LRPPRC: variants seen among roughly 807,000 people sequenced by gnomAD.
The protein encoded by LRPPRC is leucine-rich PPR motif-containing protein, mitochondrial.
LRPPRC carries 120 observed loss-of-function variants against 180.3 expected under a neutral mutation model. The ratio of observed to expected loss-of-function variants is 0.67; its 90% CI spans 0.57 to 0.77. LRPPRC has a LOEUF of 0.77. Among genes scored for constraint, LRPPRC ranks in the 30% least tolerant of loss-of-function variants. The pLI, the probability that LRPPRC is intolerant of heterozygous loss-of-function variation, is 0.00. For missense variants in LRPPRC, 2,012 were observed against 1,657.2 expected (o/e 1.21, Z -3.72); for synonymous variants, 723 against 600.0 (o/e 1.21, Z -3.00).
chr2:43,890,477 G>A (rs1670449076), intron 36 of LRPPRC: 2 of 344,652 alleles, frequency 5.8e-6, no homozygotes, highest in Non-Finnish European at 1.2e-5. Flanking sequence ...ACTTTGGGAG[G>A]CCGAGGTAGG....
chr2:43,890,226 T>G (rs1670438159), intron 36 of LRPPRC: 7 of 412,708 alleles, frequency 1.7e-5, no homozygotes, highest in South Asian at 1.4e-4. Context: ...TACACACCAT[T>G]CAATCCCCTT....
At position 43,901,239 on chromosome 2, in the gene LRPPRC, A is replaced by AAAAAGTTTTTAAAAGGTG. The variant is rs1572896111; in HGVS notation, c.3569+63_3569+80dup. 3 of 1,046,688 alleles carry AAAAAGTTTTTAAAAGGTG rather than the reference A, an allele frequency of 2.9e-6. No individual in the cohort carries two copies. In the East Asian group the frequency reaches 7.1e-5, roughly 25 times the overall value. 64.8% of individuals were successfully genotyped at this position (1,046,688 alleles called of 1,614,324 possible). A position where few individuals can be genotyped will look rare whatever the true frequency, so the allele number is the denominator to read the frequency against. ...AGTTGATAAGGTTTCCACATGTCTA[A>AAAAAGTTTTTAAAAGGTG]AAAAGTTTTTAAAAGGTGGTATCTG... On this transcript the variant is annotated intron_variant, in intron 32 of 37. Coordinates refer to ENST00000260665, the MANE Select transcript of LRPPRC (RefSeq NM_133259.4).
chr2:43,925,997 A>T (rs1319604331), intron 25 of LRPPRC, 36 bp from the exon 26 acceptor site: 1 of 1,211,796 alleles, frequency 8.3e-7, no homozygotes, highest in Non-Finnish European at 1.2e-6. Context: ...ACCCAAGGTA[A>T]GGCTTCGGCT....
rs1453828907 is a variant in LRPPRC, at chr2:43,989,671, A to G, written c.149+6128T>C. 2.6e-5 allele frequency among the ~76,000 whole-genome samples: 4 copies of G among 152,350 alleles called. No individual in the cohort carries two copies. In the East Asian group the frequency reaches 7.7e-4, roughly 29 times the overall value. On this transcript the variant is annotated intron_variant, in intron 1 of 37. Coordinates refer to ENST00000260665, the MANE Select transcript of LRPPRC (RefSeq NM_133259.4). ...TCTGGACCTCATTCTGCACCCAATG[A>G]TAACTACCATGGCAGTTAACTGTAA...
chr2:43,908,423 T>G (rs1671136050), intron 30 of LRPPRC, among the ~76,000 whole-genome samples: 1 of 152,208 alleles, frequency 6.6e-6, no homozygotes, highest in South Asian at 2.1e-4. Flanking sequence ...GTTAAATGAC[T>G]TTGTAAATAA....
intron 32 of LRPPRC, 126 bp from the exon 33 acceptor site, chr2:43,899,731 A>C (rs1186269233): frequency 4.5e-6 from 3 of 666,318 alleles, no homozygotes; most frequent in African/African-American, 1.8e-5. Context: ...AAATACATTT[A>C]CACTTAACCA....
At chr2:43,916,003 G>T (rs1671453997) in intron 29 of LRPPRC, among the ~76,000 whole-genome samples, 1 of 152,088 alleles carries the variant, frequency 6.6e-6, no homozygotes, top group South Asian at 2.1e-4. Flanking sequence ...GGACTCAAGT[G>T]ATCTGCCCAC....
intron 11 of LRPPRC, among the ~76,000 whole-genome samples, chr2:43,965,153 C>T (rs760152157): frequency 1.2e-4 from 19 of 152,308 alleles, no homozygotes; most frequent in Admixed American, 2.6e-4. Context: ...AGGCGCACGT[C>T]ACCACGACCA....
intron 11 of LRPPRC, among the ~76,000 whole-genome samples, chr2:43,970,112 CA>C (rs1673738201): frequency 6.6e-6 from 1 of 152,194 alleles, no homozygotes; most frequent in African/African-American, 2.4e-5. Context: ...AAATTGACTG[CA>C]GCTACAAGAT....
intron 1 of LRPPRC, among the ~76,000 whole-genome samples, chr2:43,987,823 T>A (rs996323332): frequency 1.3e-5 from 2 of 152,248 alleles, no homozygotes; most frequent in Non-Finnish European, 2.9e-5. Flanking sequence ...TTCTTCCATT[T>A]ATTAATTCAA....
intron 23 of LRPPRC, among the ~76,000 whole-genome samples, chr2:43,940,644 G>C (rs1051913812): frequency 2.6e-5 from 4 of 152,078 alleles, no homozygotes; most frequent in African/African-American, 9.7e-5. Flanking sequence ...AACAGCTTCA[G>C]TTATTTTTTA....
chr2:43,970,361 G>C (rs562774859), intron 11 of LRPPRC, among the ~76,000 whole-genome samples: 2 of 152,308 alleles, frequency 1.3e-5, no homozygotes, highest in East Asian at 1.9e-4. Flanking sequence ...CAGCCTGAGA[G>C]AGCAGACAAA....
intron 18 of LRPPRC, 146 bp from the exon 19 acceptor site, chr2:43,947,921 A>C: frequency 1.5e-6 from 1 of 663,814 alleles, no homozygotes; most frequent in South Asian, 1.8e-5. Flanking sequence ...ATACTTTATT[A>C]ATCAATGTAA....
chr2:43,916,346 A>G (rs1158313654), intron 29 of LRPPRC, among the ~76,000 whole-genome samples: 2 of 152,186 alleles, frequency 1.3e-5, no homozygotes, highest in African/African-American at 2.4e-5. Flanking sequence ...ATAAAATTCA[A>G]CTTACAAGCT....
At chr2:43,965,158 C>G (rs1237735971) in intron 11 of LRPPRC, among the ~76,000 whole-genome samples, 3 of 152,148 alleles carry the variant, frequency 2.0e-5, no homozygotes, top group Admixed American at 1.3e-4. Flanking sequence ...CACGTCACCA[C>G]GACCAGCTAG....
chr2:43,995,507 C>T (rs748865206), intron 1 of LRPPRC, among the ~76,000 whole-genome samples: 4 of 152,268 alleles, frequency 2.6e-5, no homozygotes, highest in Non-Finnish European at 5.9e-5. Context: ...CAAAGCCCCC[C>T]TCATCTTCGT....
At chr2:43,954,631 G>T (rs879703231) in intron 14 of LRPPRC, among the ~76,000 whole-genome samples, 24 of 152,082 alleles carry the variant, frequency 1.6e-4, no homozygotes, top group Non-Finnish European at 2.9e-4. Flanking sequence ...CCACTGAGGG[G>T]GGATAAACTA....
chr2:43,979,243 C>A (rs986126166), intron 3 of LRPPRC, among the ~76,000 whole-genome samples: 35 of 152,068 alleles, frequency 2.3e-4, no homozygotes, highest in Non-Finnish European at 1.8e-4. Context: ...TACACATGCA[C>A]GTGTAAAAAC....
At chr2:43,949,264 T>C (rs1173116550) in intron 16 of LRPPRC, among the ~76,000 whole-genome samples, 4 of 152,156 alleles carry the variant, frequency 2.6e-5, no homozygotes, top group African/African-American at 9.7e-5. Context: ...CTTCGCTACA[T>C]TTTATGTTTA....
Sources: gnomAD v4.1 joint callset for allele counts (sites outside exome capture counted in the v4.1 genomes callset) on GRCh38, gnomAD v4.1.1 for gene constraint, MANE v1.5 for transcripts, NCBI Gene and HGNC (gene_info 2026-07-23, HGNC 2026-07-21) for gene names.